KCNMA1: variants seen among roughly 807,000 people sequenced by gnomAD.
KCNMA1 encodes Calcium-activated potassium channel subunit alpha-1.
In KCNMA1, 29 loss-of-function variants were observed where a neutral mutation model predicts 140.0. That is an observed-to-expected ratio of 0.21 (90% CI 0.15 to 0.28). The LOEUF is 0.28. KCNMA1 is among the 10% of genes least tolerant of loss of function. KCNMA1 has a pLI of 1.00. For synonymous variants in KCNMA1, 612 were observed against 611.9 expected (o/e 1.00, Z 0.00); for missense variants, 880 against 1,602.2 (o/e 0.55, Z 7.70).
chr10:77,297,584 T>C (rs1251347974), intron 2 of KCNMA1, among the ~76,000 whole-genome samples: 1 of 152,178 alleles, frequency 6.6e-6, no homozygotes, highest in African/African-American at 2.4e-5. Flanking sequence ...GTGAACCTAT[T>C]TGGTAAACTG....
At chr10:77,060,105 G>A (rs920622907) in intron 14 of KCNMA1, among the ~76,000 whole-genome samples, 2 of 152,154 alleles carry the variant, frequency 1.3e-5, no homozygotes, top group African/African-American at 4.8e-5. Context: ...TGGACTGGAA[G>A]ATACGACATA....
intron 2 of KCNMA1, among the ~76,000 whole-genome samples, chr10:77,375,769 G>T (rs985401237): frequency 1.3e-5 from 2 of 152,230 alleles, no homozygotes; most frequent in Non-Finnish European, 2.9e-5. Context: ...CCCTTCAGGG[G>T]CAGCCCACCT....
intron 2 of KCNMA1, among the ~76,000 whole-genome samples, chr10:77,279,077 C>G (rs1017965573): frequency 3.3e-5 from 5 of 152,102 alleles, no homozygotes; most frequent in Non-Finnish European, 5.9e-5. Flanking sequence ...CCAGCATTTT[C>G]CTCTTCACCA....
chr10:77,566,021 TG>T (rs2068167785), intron 1 of KCNMA1, among the ~76,000 whole-genome samples: 2 of 109,174 alleles, frequency 1.8e-5, no homozygotes, highest in South Asian at 5.6e-4. Context: ...AAAATCTTCA[TG>T]TTTTTCTCTC....
intron 9 of KCNMA1, among the ~76,000 whole-genome samples, chr10:77,097,710 A>T (rs2026591): frequency 0.44 from 66,660 of 151,746 alleles, 15,856 homozygotes; most frequent in Non-Finnish European, 0.53. Context: ...TAATTTTTTT[A>T]AAAAAAAGGA....
At chr10:76,902,227 CT>C (rs1173729554) in intron 25 of KCNMA1, 1 of 152,232 alleles carries the variant, frequency 6.6e-6, no homozygotes, top group Non-Finnish European at 1.5e-5. Context: ...CGGAGGAAAC[CT>C]CTCTACAACT....
intron 2 of KCNMA1, among the ~76,000 whole-genome samples, chr10:77,349,546 T>A (rs376182924): frequency 1.6e-4 from 25 of 152,270 alleles, no homozygotes; most frequent in African/African-American, 6.0e-4. Context: ...ACTGGGTGAG[T>A]AAGCAGGGAA....
chr10:77,613,522 A>T (rs1207078896), intron 1 of KCNMA1, among the ~76,000 whole-genome samples: 1 of 152,206 alleles, frequency 6.6e-6, no homozygotes, highest in Non-Finnish European at 1.5e-5. Flanking sequence ...AGCCCTCCTT[A>T]TAGGAGGCGG....
chr10:76,953,733 A>G, intron 21 of KCNMA1, 68 bp downstream of exon 21: 1 of 1,603,912 alleles, frequency 6.2e-7, no homozygotes, highest in Non-Finnish European at 8.5e-7. Flanking sequence ...AACTAGGGAA[A>G]CCCCATTCCT....
chr10:77,423,751 G>A (rs1003277938), intron 1 of KCNMA1, among the ~76,000 whole-genome samples: 1 of 152,264 alleles, frequency 6.6e-6, no homozygotes, highest in African/African-American at 2.4e-5. Flanking sequence ...ACAAAGCCAC[G>A]CTTTCTGCTG....
intron 23 of KCNMA1, among the ~76,000 whole-genome samples, chr10:76,940,649 A>C (rs1477821539): frequency 6.6e-6 from 1 of 152,102 alleles, no homozygotes; most frequent in African/African-American, 2.4e-5. Flanking sequence ...AAATCTGTGT[A>C]GTTATCACTC....
intron 1 of KCNMA1, among the ~76,000 whole-genome samples, chr10:77,528,420 C>G (rs1433710850): frequency 6.6e-6 from 1 of 151,998 alleles, no homozygotes; most frequent in Non-Finnish European, 1.5e-5. Flanking sequence ...ACCAGCCTGG[C>G]CAACATGGTG....
chr10:77,570,110 G>C (rs964264607), intron 1 of KCNMA1, among the ~76,000 whole-genome samples: 7 of 151,614 alleles, frequency 4.6e-5, no homozygotes, highest in African/African-American at 1.7e-4. Flanking sequence ...AGGATGTGGA[G>C]AAATAGGAAC....
At chr10:77,281,362 G>A (rs2068534007) in intron 2 of KCNMA1, among the ~76,000 whole-genome samples, 2 of 152,150 alleles carry the variant, frequency 1.3e-5, no homozygotes, top group African/African-American at 4.8e-5. Flanking sequence ...AGGGGTACAG[G>A]TTGCATTTGA....
intron 2 of KCNMA1, among the ~76,000 whole-genome samples, chr10:77,344,111 C>T (rs2091626299): frequency 6.6e-6 from 1 of 152,210 alleles, no homozygotes; most frequent in African/African-American, 2.4e-5. Context: ...CCCTTAGTGC[C>T]TCATGTCCTG....
At chr10:77,092,157 C>G (rs1444096304) in intron 9 of KCNMA1, 1 of 152,168 alleles carries the variant, frequency 6.6e-6, no homozygotes, top group Non-Finnish European at 1.5e-5. Context: ...GCCCATATGA[C>G]TAACCCCCTC....
At chr10:77,594,592 A>G (rs1319632230) in intron 1 of KCNMA1, among the ~76,000 whole-genome samples, 2 of 152,144 alleles carry the variant, frequency 1.3e-5, no homozygotes, top group Non-Finnish European at 2.9e-5. Context: ...TTACTTCCTC[A>G]TAGGGTTGTC....
At chr10:77,352,906 T>A (rs1450081107) in intron 2 of KCNMA1, among the ~76,000 whole-genome samples, 1 of 152,180 alleles carries the variant, frequency 6.6e-6, no homozygotes, top group Non-Finnish European at 1.5e-5. Context: ...TGTAAACTGG[T>A]TGATAATTCA....
chr10:77,345,099 G>C (rs1355495134), intron 2 of KCNMA1, among the ~76,000 whole-genome samples: 2 of 152,204 alleles, frequency 1.3e-5, no homozygotes, highest in African/African-American at 4.8e-5. Flanking sequence ...AGTTTGGCTA[G>C]AGGTTCCATG....
Sources: allele counts gnomAD v4.1 joint callset (sites outside exome capture counted in the v4.1 genomes callset), GRCh38; gene constraint gnomAD v4.1.1; transcripts MANE v1.5; gene names NCBI Gene and HGNC (gene_info 2026-07-23, HGNC 2026-07-21).